Variants in CXXC5 observed in about 807,000 individuals in gnomAD.
The protein encoded by CXXC5 is CXXC finger protein 5.
In CXXC5, 2 loss-of-function variants were observed where a neutral mutation model predicts 17.6. The observed-to-expected ratio is 0.11, with a 90% CI of 0.05 to 0.36. CXXC5 has a LOEUF of 0.36. Among genes scored for constraint, CXXC5 ranks in the 10% least tolerant of loss-of-function variants. The pLI, the probability that CXXC5 is intolerant of heterozygous loss-of-function variation, is 1.00. For synonymous variants in CXXC5, 171 were observed against 193.0 expected, an observed-to-expected ratio of 0.89 and a Z score of 0.94; for missense variants, 343 against 458.3, an observed-to-expected ratio of 0.75 and a Z score of 2.30.
At chr5:139,650,999 C>T (rs1216112398) in intron 1 of CXXC5, 9 of 152,200 alleles carry the variant, frequency 5.9e-5, no homozygotes, top group African/African-American at 1.7e-4. Context: ...GATTTTTGCC[C>T]TGGGAAGAGA....
chr5:139,680,565 TAGC>T lies in CXXC5; in HGVS notation c.53_55del (p.Ser18del), dbSNP rs761988594. 7 of 1,588,128 alleles carry T rather than the reference TAGC, an allele frequency of 4.4e-6. No individual in the cohort carries two copies. The Admixed American group carries it at 5.4e-5, about 12-fold the overall frequency. On this transcript the variant is annotated inframe_deletion, in exon 2 of 3. Coordinates refer to ENST00000302517, the MANE Select transcript of CXXC5 (RefSeq NM_016463.9). ...GTGGCTCCCAGGATGCCGGCGGCAG[TAGC>T]AGCAGCAGCACCAATGGCAGCGGTG...
chr5:139,656,446 C>T (rs1755501822), intron 1 of CXXC5, among the ~76,000 whole-genome samples: 1 of 151,108 alleles, frequency 6.6e-6, no homozygotes, highest in Non-Finnish European at 1.5e-5. Context: ...TAAGTGCTTA[C>T]ATACACACAC....
intron 1 of CXXC5, among the ~76,000 whole-genome samples, chr5:139,676,492 G>A (rs188382124): frequency 0.019 from 216 of 11,382 alleles, 1 homozygote; most frequent in Middle Eastern, 0.042. Context: ...CTCCTCCCCA[G>A]GCTCCTCCCC....
intron 1 of CXXC5, among the ~76,000 whole-genome samples, chr5:139,652,153 CGCGCGCGCGCGCGCGCGCGTGT>C (rs1325290230): frequency 1.4e-5 from 1 of 70,410 alleles, no homozygotes; most frequent in Non-Finnish European, 2.9e-5. Context: ...CGCCGGCGCG[CGCGCGCGCGCGCGCGCGCGTGT>C]GTGTGTGTGT....
rs532951572 is a variant in CXXC5, at chr5:139,659,065, G to A, written c.-161+10220G>A. On this transcript the variant is annotated intron_variant, in intron 1 of 2. Coordinates refer to ENST00000302517, the MANE Select transcript of CXXC5 (RefSeq NM_016463.9). Reference sequence around the variant, plus strand: ...TCAGGAAGAGCACAGTGGGGGATGCGTGGCTCTCTGGGCTCTCCCTGACCT... The same window carrying A: ...TCAGGAAGAGCACAGTGGGGGATGCATGGCTCTCTGGGCTCTCCCTGACCT... Among the ~76,000 whole-genome samples the A allele has an allele frequency of 2.2e-3, 334 of 152,308 alleles. 8 individuals are homozygous for A. Among genetic ancestry groups the A allele is most frequent in the Non-Finnish European group, 6.0e-4 (41 of 68,014 alleles).
intron 2 of CXXC5, among the ~76,000 whole-genome samples, chr5:139,682,222 T>C (rs1047397248): frequency 8.5e-5 from 13 of 152,306 alleles, no homozygotes; most frequent in South Asian, 8.3e-4. Context: ...GTCCCTGCCC[T>C]TGTCCCCGCC....
rs1212525086 is a variant in CXXC5 at position 139,680,539 on chromosome 5, G to A, written c.16G>A (p.Gly6Ser). The change falls in exon 2 of 3, where the codon GGT (glycine) becomes AGT (serine). Residue 6 changes from glycine to serine, a missense_variant. By Grantham distance (56) the Gly-to-Ser change is moderately conservative. This residue lies in a region of CXXC5 where 297 missense variants were observed against 363.4 expected (regional missense o/e 0.82). Transcript: ENST00000302517. MSSLG[G>S]GSQDAGGSSS... ...CGGCCCCACCATGTCGAGCCTCGGC[G>A]GTGGCTCCCAGGATGCCGGCGGCAG... The A allele has an allele frequency of 1.2e-5, 18 of 1,564,842 alleles. No homozygotes were observed. The highest frequency in any genetic ancestry group is 2.7e-5 in the African/African-American group (2 of 73,502).
At position 139,680,894 on chromosome 5, in the gene CXXC5, C is replaced by T; in HGVS notation, c.371C>T (p.Ala124Val). 6.2e-7 allele frequency: 1 copy of T among 1,605,144 alleles called. No homozygotes were observed. The highest frequency in any genetic ancestry group is 8.5e-7 in the Non-Finnish European group (1 of 1,179,968). The change falls in exon 2 of 3, where the codon GCC becomes GTC. Residue 124 changes from alanine (A) to valine (V), a missense_variant. By Grantham distance (64) the Ala-to-Val change is moderately conservative (BLOSUM62 0). Around this residue, in one of 4 missense-constraint regions of CXXC5, gnomAD observed 297 missense variants for 363.4 expected, o/e 0.82. Transcript: ENST00000302517. ...GCCAATGGGCATGACCTGGCGGCGG[C>T]CATGGCGGTGGACAAAAGCAACCCT... The part of the protein sequence containing the change: ...LLANGHDLAA[A>V]MAVDKSNPTS...
Position 139,653,021 on chromosome 5 carries a change from C to A in CXXC5, c.-161+4176C>A, listed in dbSNP as rs1427666242. 3.3e-5 allele frequency among the ~76,000 whole-genome samples: 5 copies of A among 152,150 alleles called. 1 individual carries two copies. Among genetic ancestry groups the A allele is most frequent in the Admixed American group, 3.3e-4 (5 of 15,288 alleles). ...TTTCTCTTTCTGTATCTCCGTCTTA[C>A]TGAATCTCCCCCTCTGGTTGTTTGA... On this transcript the variant is annotated intron_variant, in intron 1 of 2. Transcript: ENST00000302517.
Position 139,658,558 on chromosome 5 carries a change from G to C in CXXC5, c.-161+9713G>C, listed in dbSNP as rs1374551934. ...AGTGGGCTGTGGGCCCAGTCAGGCA[G>C]TGGGGGGATGCGGCTGGCCCACAGG... On this transcript the variant is annotated intron_variant, in intron 1 of 2. Coordinates refer to ENST00000302517, the MANE Select transcript of CXXC5 (RefSeq NM_016463.9). This position sits in a 1 kb window ranked among gnomAD's most constrained non-coding sequence, Gnocchi z 4.1. Among the ~76,000 whole-genome samples the C allele has an allele frequency of 6.6e-6, 1 of 152,236 alleles. No individual in the cohort carries two copies. The highest frequency in any genetic ancestry group is 6.5e-5 in the Admixed American group (1 of 15,290).
rs924522906 is a variant in CXXC5 at position 139,668,155 on chromosome 5, G to A, written c.-160-12209G>A. 6.6e-6 allele frequency among the ~76,000 whole-genome samples: 1 copy of A among 152,042 alleles called. No individual in the cohort carries two copies. Among genetic ancestry groups the A allele is most frequent in the East Asian group, 1.9e-4 (1 of 5,182 alleles). On this transcript the variant is annotated intron_variant, in intron 1 of 2. Transcript: ENST00000302517. This position sits in a 1 kb window ranked among gnomAD's most constrained non-coding sequence, Gnocchi z 4.1. ...CCAAATTTCCCCTGCCACTCCCTCCGCCTCCCAGACCTCTGGGGCCATGAA... is the reference window on the plus strand; with the variant it reads ...CCAAATTTCCCCTGCCACTCCCTCCACCTCCCAGACCTCTGGGGCCATGAA...
At chr5:139,650,394 G>T (rs1380228078) in intron 1 of CXXC5, among the ~76,000 whole-genome samples, 1 of 152,196 alleles carries the variant, frequency 6.6e-6, no homozygotes, top group Admixed American at 6.5e-5. Context: ...TTTGTGGTGG[G>T]CCCTGTCCCC....
chr5:139,675,271 A>G (rs1323729634), intron 1 of CXXC5, among the ~76,000 whole-genome samples: 3 of 152,164 alleles, frequency 2.0e-5, no homozygotes, highest in African/African-American at 7.2e-5. Context: ...AGATGGCACT[A>G]TGTCATCCCA....
In CXXC5 at chr5:139,661,499, G is replaced by A. The variant is rs965786979; in HGVS notation, c.-161+12654G>A. On this transcript the variant is annotated intron_variant, in intron 1 of 2. Coordinates refer to ENST00000302517, the MANE Select transcript of CXXC5 (RefSeq NM_016463.9). The surrounding 1 kb of genome is among the most constrained non-coding windows in gnomAD (Gnocchi z 4.7). The stretch of plus-strand genomic sequence containing the variant: ...TGTGGTGCTCCAGAAGCACACTCAC[G>A]GTTCCAGCCACAGCCCAGCCTCTGG... Among the ~76,000 whole-genome samples the A allele has an allele frequency of 3.3e-5, 5 of 152,166 alleles. No individual in the cohort carries two copies. The highest frequency in any genetic ancestry group is 1.2e-4 in the African/African-American group (5 of 41,432).
chr5:139,677,049 G>C (rs1756877330), intron 1 of CXXC5, among the ~76,000 whole-genome samples: 1 of 151,524 alleles, frequency 6.6e-6, no homozygotes, highest in Non-Finnish European at 1.5e-5. Flanking sequence ...GCCGGCTCCT[G>C]CATGGACAAA....
chr5:139,672,389 ATT>A (rs1756529553), intron 1 of CXXC5, among the ~76,000 whole-genome samples: 1 of 152,226 alleles, frequency 6.6e-6, no homozygotes, highest in South Asian at 2.1e-4. Context: ...AAGTGCTGGG[ATT>A]ACAGGCGTGA....
chr5:139,680,296 G>A lies in CXXC5; in HGVS notation c.-160-68G>A, dbSNP rs1005672433. On this transcript the variant is annotated intron_variant, in intron 1 of 2. Coordinates refer to ENST00000302517, the MANE Select transcript of CXXC5 (RefSeq NM_016463.9). Reference sequence around the variant, plus strand: ...TCAGGATGACAGGACCGTTGATAGTGGCGGTGGTGGCGATGTTGAAGGGGG... The same window carrying A: ...TCAGGATGACAGGACCGTTGATAGTAGCGGTGGTGGCGATGTTGAAGGGGG... 1.2e-5 allele frequency: 7 copies of A among 597,092 alleles called. No homozygotes were observed. The East Asian group carries it at 2.0e-4, about 17-fold the overall frequency. The allele number at this position is 597,092 out of a possible 1,614,324, so 37.0% of individuals were successfully genotyped here.
chr5:139,667,805 CTG>C (rs949906299), intron 1 of CXXC5, among the ~76,000 whole-genome samples: 1 of 152,170 alleles, frequency 6.6e-6, no homozygotes, highest in Admixed American at 6.5e-5. Context: ...GCAGGGGTGG[CTG>C]AAAGAGATCA....
intron 1 of CXXC5, among the ~76,000 whole-genome samples, chr5:139,673,866 A>G (rs1756628072): frequency 7.0e-6 from 1 of 142,590 alleles, no homozygotes; most frequent in Admixed American, 6.9e-5. Context: ...GAGAGAGAGA[A>G]AACAGAGCTC....
Sources: allele counts gnomAD v4.1 joint callset (sites outside exome capture counted in the v4.1 genomes callset), GRCh38; gene constraint gnomAD v4.1.1; regional missense constraint gnomAD v4.1.1; non-coding constraint Gnocchi (gnomAD v3.1); transcripts MANE v1.5; gene names NCBI Gene and HGNC (gene_info 2026-07-23, HGNC 2026-07-21).